DRC11: variants seen among roughly 807,000 people sequenced by gnomAD.
DRC11 encodes dynein regulatory complex subunit 11.
At chr2:236,392,497 G>A in the DRC11 span, 2 of 474,548 alleles carry the variant, frequency 4.2e-6, no homozygotes, top group African/African-American at 4.0e-5. The surrounding 1 kb of genome is among the most constrained non-coding windows in gnomAD (Gnocchi z 5.1). Flanking sequence ...TAGGATAAAA[G>A]TTTGAATAAA....
At chr2:236,499,996 A>G in the DRC11 span, among the ~76,000 whole-genome samples, 1 of 152,174 alleles carries the variant, frequency 6.6e-6, no homozygotes, top group Non-Finnish European at 1.5e-5. The surrounding 1 kb of genome is among the most constrained non-coding windows in gnomAD (Gnocchi z 4.7). Context: ...AGCATCATTT[A>G]TTGAAGCACT....
At chr2:236,411,210 ACAAC>A in the DRC11 span, among the ~76,000 whole-genome samples, 4 of 152,204 alleles carry the variant, frequency 2.6e-5, 1 homozygote, top group African/African-American at 9.7e-5. Flanking sequence ...GAAAAAACAA[ACAAC>A]CCCATCAAAA....
the DRC11 span, among the ~76,000 whole-genome samples, chr2:236,404,180 GAA>G: frequency 2.2e-5 from 3 of 136,256 alleles, no homozygotes; most frequent in South Asian, 7.1e-4. Context: ...AAAAAAAAAA[GAA>G]AAAGAAAAAG....
the DRC11 span, among the ~76,000 whole-genome samples, chr2:236,374,247 A>G: frequency 1.3e-5 from 2 of 151,946 alleles, no homozygotes; most frequent in African/African-American, 4.8e-5. Flanking sequence ...TAGTTGCTCT[A>G]TTTTACTATG....
the DRC11 span, among the ~76,000 whole-genome samples, chr2:236,307,409 G>A: frequency 6.6e-6 from 1 of 152,194 alleles, no homozygotes; most frequent in African/African-American, 2.4e-5. This position sits in a 1 kb window ranked among gnomAD's most constrained non-coding sequence, Gnocchi z 7.0. Context: ...AGTGCCTGCA[G>A]ACCCCTGTCC....
chr2:236,357,823 T>A, the DRC11 span, among the ~76,000 whole-genome samples: 1 of 123,422 alleles, frequency 8.1e-6, no homozygotes, highest in Non-Finnish European at 1.6e-5. Context: ...TATATAAATA[T>A]ACATATACTA....
At chr2:236,486,995 G>C in the DRC11 span, 1 of 871,758 alleles carries the variant, frequency 1.1e-6, no homozygotes, top group African/African-American at 1.7e-5. This position sits in a 1 kb window ranked among gnomAD's most constrained non-coding sequence, Gnocchi z 5.7. Context: ...ATCTCAAAAT[G>C]CCAACTAATC....
chr2:236,393,596 A>G, the DRC11 span, among the ~76,000 whole-genome samples: 1 of 152,206 alleles, frequency 6.6e-6, no homozygotes, highest in African/African-American at 2.4e-5. This position sits in a 1 kb window ranked among gnomAD's most constrained non-coding sequence, Gnocchi z 4.7. Context: ...ACTAATGGGA[A>G]GGAGGGGTTG....
At chr2:236,373,034 A>C in the DRC11 span, among the ~76,000 whole-genome samples, 1 of 151,882 alleles carries the variant, frequency 6.6e-6, no homozygotes, top group Non-Finnish European at 1.5e-5. Context: ...AATTCTTTTA[A>C]TATCCTTAAT....
the DRC11 span, among the ~76,000 whole-genome samples, chr2:236,350,481 C>T: frequency 2.6e-5 from 4 of 152,234 alleles, no homozygotes; most frequent in African/African-American, 7.2e-5. This position sits in a 1 kb window ranked among gnomAD's most constrained non-coding sequence, Gnocchi z 5.2. Context: ...AGTGCTCTGG[C>T]GTCCAGGACA....
chr2:236,362,179 G>T, the DRC11 span, among the ~76,000 whole-genome samples: 60 of 152,224 alleles, frequency 3.9e-4, no homozygotes, highest in African/African-American at 1.3e-3. The surrounding 1 kb of genome is among the most constrained non-coding windows in gnomAD (Gnocchi z 5.7). Flanking sequence ...AAAATTCTCA[G>T]AAATTTTGAA....
the DRC11 span, among the ~76,000 whole-genome samples, chr2:236,487,594 T>C: frequency 6.6e-6 from 1 of 152,168 alleles, no homozygotes; most frequent in Non-Finnish European, 1.5e-5. Context: ...GACACTGATG[T>C]GCTGGTTATT....
the DRC11 span, among the ~76,000 whole-genome samples, chr2:236,389,608 G>C: frequency 6.6e-6 from 1 of 152,214 alleles, no homozygotes; most frequent in Non-Finnish European, 1.5e-5. Flanking sequence ...TGGAAATGCA[G>C]AAATCACCCG....
At chr2:236,318,283 C>T in the DRC11 span, among the ~76,000 whole-genome samples, 5 of 152,192 alleles carry the variant, frequency 3.3e-5, no homozygotes, top group South Asian at 8.3e-4. This position sits in a 1 kb window ranked among gnomAD's most constrained non-coding sequence, Gnocchi z 7.0. Context: ...ACCTGCCAGA[C>T]CTCCCTGTTC....
At chr2:236,330,308 T>A in the DRC11 span, among the ~76,000 whole-genome samples, 1 of 152,184 alleles carries the variant, frequency 6.6e-6, no homozygotes, top group South Asian at 2.1e-4. The surrounding 1 kb of genome is among the most constrained non-coding windows in gnomAD (Gnocchi z 5.5). Flanking sequence ...TACGCATTCA[T>A]TTCTGTATTG....
the DRC11 span, among the ~76,000 whole-genome samples, chr2:236,479,239 G>A: frequency 6.6e-6 from 1 of 152,132 alleles, no homozygotes; most frequent in African/African-American, 2.4e-5. This position sits in a 1 kb window ranked among gnomAD's most constrained non-coding sequence, Gnocchi z 4.1. Context: ...CTTTATAGGT[G>A]AAACTGGCTT....
the DRC11 span, among the ~76,000 whole-genome samples, chr2:236,442,930 A>G: frequency 6.6e-6 from 1 of 152,114 alleles, no homozygotes; most frequent in South Asian, 2.1e-4. Context: ...AGAGTTTGTC[A>G]GTTGTTTTCT....
the DRC11 span, among the ~76,000 whole-genome samples, chr2:236,339,833 C>T: frequency 3.3e-5 from 5 of 152,176 alleles, no homozygotes; most frequent in Admixed American, 2.0e-4. Context: ...GAAATTGGGA[C>T]ATGTGAGTCC....
At chr2:236,503,698 T>C in the DRC11 span, 1 of 1,550,772 alleles carries the variant, frequency 6.4e-7, no homozygotes, top group South Asian at 1.2e-5. The surrounding 1 kb of genome is among the most constrained non-coding windows in gnomAD (Gnocchi z 4.9). Flanking sequence ...CGAGACTGTC[T>C]CTGGCTTCCT....
Sources: allele counts gnomAD v4.1 joint callset (sites outside exome capture counted in the v4.1 genomes callset), GRCh38; gene constraint gnomAD v4.1.1; non-coding constraint Gnocchi (gnomAD v3.1); transcripts MANE v1.5; gene names NCBI Gene and HGNC (gene_info 2026-07-23, HGNC 2026-07-21).